C13orf42: variants seen among roughly 807,000 people sequenced by gnomAD.
C13orf42 encodes chromosome 13 open reading frame 42.
chr13:51,116,298 G>C (rs1331899873), intron 1 of C13orf42, among the ~76,000 whole-genome samples: 1 of 152,200 alleles, frequency 6.6e-6, no homozygotes, highest in African/African-American at 2.4e-5. Flanking sequence ...TTGGAGATGA[G>C]TAATGAGAGG....
At chr13:51,168,173 A>G (rs1456299009) in intron 1 of C13orf42, among the ~76,000 whole-genome samples, 4 of 152,206 alleles carry the variant, frequency 2.6e-5, no homozygotes, top group Non-Finnish European at 5.9e-5. Flanking sequence ...ATTACTCCCC[A>G]TTTATGGTCT....
intron 1 of C13orf42, among the ~76,000 whole-genome samples, chr13:51,167,661 A>G (rs1953913020): frequency 6.6e-6 from 1 of 152,172 alleles, no homozygotes; most frequent in Non-Finnish European, 1.5e-5. Context: ...AGTGACAAAT[A>G]GCCTTTAATT....
chr13:51,093,877 G>T (rs1489763235), intron 1 of C13orf42, among the ~76,000 whole-genome samples: 1 of 152,156 alleles, frequency 6.6e-6, no homozygotes, highest in Non-Finnish European at 1.5e-5. Context: ...AGGAATGGCA[G>T]AATACTTGCT....
chr13:51,108,744 A>T (rs898653260), intron 1 of C13orf42, among the ~76,000 whole-genome samples: 2 of 152,204 alleles, frequency 1.3e-5, no homozygotes, highest in Admixed American at 6.5e-5. Flanking sequence ...CACAGCTGGT[A>T]AATAGCAGAA....
chr13:51,118,766 T>C (rs933786752), intron 1 of C13orf42, among the ~76,000 whole-genome samples: 12 of 152,128 alleles, frequency 7.9e-5, no homozygotes, highest in African/African-American at 2.9e-4. Context: ...GCACCCCAAA[T>C]AGATGATCTT....
At chr13:51,113,566 T>TTG (rs3990095), upstream of C13orf42, among the ~76,000 whole-genome samples, 2,113 of 148,088 alleles carry the variant, frequency 0.014, 24 homozygotes, top group African/African-American at 0.031. Context: ...AAAGTGTATT[T>TTG]TGTGTGTGTG....
intron 1 of C13orf42, among the ~76,000 whole-genome samples, chr13:51,140,942 G>T (rs1380670688): frequency 6.6e-6 from 1 of 151,972 alleles, no homozygotes. Flanking sequence ...CACTTAGACC[G>T]CTCAGAAATC....
At position 51,102,844 on chromosome 13, in the gene C13orf42, G is replaced by A. The variant is rs150033770; in HGVS notation, c.414+7952C>T. On this transcript the variant is annotated intron_variant, in intron 1 of 3. Coordinates refer to ENST00000563710, the MANE Select transcript of C13orf42 (RefSeq NM_001351589.3). ...CTTACAATCATGGTAGAAGATGAAGGAGAAGCAAGTACCTTCTTCATACGG... is the reference window on the plus strand; with the variant it reads ...CTTACAATCATGGTAGAAGATGAAGAAGAAGCAAGTACCTTCTTCATACGG... 3.8e-3 allele frequency among the ~76,000 whole-genome samples: 576 copies of A among 152,282 alleles called. 2 individuals carry two copies. The highest frequency in any genetic ancestry group is 0.013 in the African/African-American group (557 of 41,558).
At chr13:51,106,184 C>A (rs189509841) in intron 1 of C13orf42, among the ~76,000 whole-genome samples, 2 of 152,308 alleles carry the variant, frequency 1.3e-5, no homozygotes, top group African/African-American at 4.8e-5. Flanking sequence ...TAAATTCCAT[C>A]CACGGATTGT....
At chr13:51,101,470 A>G (rs1427861384) in intron 1 of C13orf42, among the ~76,000 whole-genome samples, 3 of 152,202 alleles carry the variant, frequency 2.0e-5, no homozygotes, top group African/African-American at 7.2e-5. Context: ...AATTATTAGG[A>G]TATGATTCCA....
intron 1 of C13orf42, among the ~76,000 whole-genome samples, chr13:51,160,734 A>G (rs1440752876): frequency 6.6e-6 from 1 of 151,756 alleles, no homozygotes; most frequent in Non-Finnish European, 1.5e-5. Context: ...ATGATTAAAA[A>G]CTCTTAGCAA....
intron 1 of C13orf42, among the ~76,000 whole-genome samples, chr13:51,093,116 T>C (rs191262052): frequency 5.9e-5 from 9 of 152,356 alleles, no homozygotes; most frequent in Non-Finnish European, 1.0e-4. Context: ...AAAAATGTCT[T>C]GTGCAAGTTG....
intron 1 of C13orf42, among the ~76,000 whole-genome samples, chr13:51,096,711 T>C (rs1348489827): frequency 6.6e-6 from 1 of 152,250 alleles, no homozygotes; most frequent in Non-Finnish European, 1.5e-5. Context: ...TTAAAGTCTC[T>C]TGAAATAATG....
At chr13:51,128,208 T>C (rs1953590393) in intron 1 of C13orf42, among the ~76,000 whole-genome samples, 1 of 152,252 alleles carries the variant, frequency 6.6e-6, no homozygotes, top group African/African-American at 2.4e-5. Flanking sequence ...TTGGGGCTGC[T>C]CTGCCTATGG....
intron 1 of C13orf42, among the ~76,000 whole-genome samples, chr13:51,098,345 G>A (rs889457551): frequency 1.3e-5 from 2 of 151,844 alleles, no homozygotes; most frequent in Non-Finnish European, 2.9e-5. Flanking sequence ...ATGCCAAGGA[G>A]ACCACTGCTA....
At chr13:51,111,823 T>A (rs1700747440), upstream of C13orf42, among the ~76,000 whole-genome samples, 1 of 151,168 alleles carries the variant, frequency 6.6e-6, no homozygotes, top group South Asian at 2.1e-4. Context: ...AGCTCGCAGA[T>A]CCCCCCGATA....
intron 1 of C13orf42, among the ~76,000 whole-genome samples, chr13:51,118,413 T>A (rs1400732275): frequency 1.3e-5 from 2 of 152,174 alleles, no homozygotes; most frequent in Admixed American, 1.3e-4. Flanking sequence ...CTTCCTCACA[T>A]CTTCACCTCC....
At position 51,110,922 on chromosome 13, in the gene C13orf42, G is replaced by C. The variant is rs1400467678; in HGVS notation, c.288C>G (p.Arg96=). The change falls in exon 1 of 4, where the codon CGC becomes CGG. Residue 96 remains arginine (R), a synonymous_variant. Coordinates refer to ENST00000563710, the MANE Select transcript of C13orf42 (RefSeq NM_001351589.3). Reference sequence around the variant, plus strand: ...CACTGAAGCTGCTGAGATATTTTTTGCGCAAGGCCAGCAGCTCCTGCAGGT... The same window carrying C: ...CACTGAAGCTGCTGAGATATTTTTTCCGCAAGGCCAGCAGCTCCTGCAGGT... ...LQYLQELLAL[R]KKYLSSFSDL... The C allele has an allele frequency of 5.0e-6, 2 of 398,502 alleles. No homozygotes were observed. The highest frequency in any genetic ancestry group is 7.1e-5 in the East Asian group (2 of 28,074). 24.7% of individuals were successfully genotyped at this position (398,502 alleles called of 1,614,324 possible). A position where few individuals can be genotyped will look rare whatever the true frequency, so the allele number is the denominator to read the frequency against.
intron 1 of C13orf42, among the ~76,000 whole-genome samples, chr13:51,101,380 A>T (rs1483048237): frequency 5.9e-5 from 9 of 152,184 alleles, no homozygotes; most frequent in Non-Finnish European, 1.2e-4. Flanking sequence ...TTATAAGCAA[A>T]TATAACTTTA....
Sources: gnomAD v4.1 joint callset for allele counts (sites outside exome capture counted in the v4.1 genomes callset) on GRCh38, gnomAD v4.1.1 for gene constraint, MANE v1.5 for transcripts, NCBI Gene and HGNC (gene_info 2026-07-23, HGNC 2026-07-21) for gene names.